Variants in MYLK observed in about 807,000 individuals in gnomAD.
The protein encoded by MYLK is myosin light chain kinase.
MYLK carries 106 observed loss-of-function variants against 203.4 expected under a neutral mutation model. That is an observed-to-expected ratio of 0.52 (90% CI 0.45 to 0.61). The LOEUF is 0.61. Among genes scored for constraint, MYLK ranks in the 20% least tolerant of loss-of-function variants. The pLI is 0.00. For synonymous variants in MYLK, 867 were observed against 959.5 expected (o/e 0.90, Z 1.78); for missense variants, 2,072 against 2,442.3 (o/e 0.85, Z 3.20).
intron 3 of MYLK, among the ~76,000 whole-genome samples, chr3:123,807,368 G>T (rs911561575): frequency 6.6e-6 from 1 of 151,936 alleles, no homozygotes; most frequent in Non-Finnish European, 1.5e-5. Context: ...GGCAGAGGTT[G>T]CAGTGGGCTG....
chr3:123,620,475 C>A (rs2057794399), intron 31 of MYLK, 139 bp from the exon 32 acceptor site: 1 of 1,572,864 alleles, frequency 6.4e-7, no homozygotes, highest in Admixed American at 1.7e-5. Flanking sequence ...AGCCGAGGTT[C>A]TGCCAGAGGA....
In MYLK at chr3:123,657,215, T is replaced by C. The variant is rs2059415294; in HGVS notation, c.4199A>G (p.Tyr1400Cys). 1 of 1,614,098 alleles carries C rather than the reference T, an allele frequency of 6.2e-7. No individual in the cohort carries two copies. Among genetic ancestry groups the C allele is most frequent in the African/African-American group, 1.3e-5 (1 of 74,924 alleles). ...NVQDLLPDHEYKFRVRAINVY... is the reference protein window; with the variant it reads ...NVQDLLPDHECKFRVRAINVY... ...GTTGATTGCACGTACACGGAACTTA[T>C]ATTCGTGGTCAGGCAGCAGGTCCTG... Residue 1400 changes from tyrosine to cysteine, a missense_variant, in exon 24 of 34, where the codon TAT becomes TGT. Transcript: ENST00000360304.
At chr3:123,689,339 AGTCCCAC>A (rs1358399802) in intron 19 of MYLK, among the ~76,000 whole-genome samples, 2 of 152,128 alleles carry the variant, frequency 1.3e-5, no homozygotes, top group Non-Finnish European at 2.9e-5. Context: ...GGGGTTACTG[AGTCCCAC>A]GTGCAGAAGG....
chr3:123,760,959 C>A (rs1345869262), intron 4 of MYLK, among the ~76,000 whole-genome samples: 1 of 152,208 alleles, frequency 6.6e-6, no homozygotes, highest in Non-Finnish European at 1.5e-5. Context: ...GAGACAGAGA[C>A]CATCCCCTGG....
chr3:123,703,608 G>A (rs539224244), intron 16 of MYLK, among the ~76,000 whole-genome samples: 3 of 152,324 alleles, frequency 2.0e-5, no homozygotes, highest in East Asian at 1.9e-4. Flanking sequence ...CTGGGAGAAC[G>A]AAGAGGTCCT....
At chr3:123,736,378 C>A (rs1181815693) in intron 8 of MYLK, among the ~76,000 whole-genome samples, 2 of 152,028 alleles carry the variant, frequency 1.3e-5, no homozygotes, top group African/African-American at 4.8e-5. Flanking sequence ...ACAGAAAAAT[C>A]AGAAGAAAAG....
intron 22 of MYLK, among the ~76,000 whole-genome samples, chr3:123,664,843 T>A (rs541002213): frequency 6.6e-6 from 1 of 152,264 alleles, no homozygotes; most frequent in South Asian, 2.1e-4. Flanking sequence ...AAGAGTATGC[T>A]AAGTCAAAAA....
chr3:123,661,810 T>G (rs2059571841), intron 23 of MYLK, among the ~76,000 whole-genome samples: 1 of 152,106 alleles, frequency 6.6e-6, no homozygotes, highest in South Asian at 2.1e-4. Flanking sequence ...GTGAATTCCC[T>G]CTCCCGGGTC....
intron 27 of MYLK, among the ~76,000 whole-genome samples, chr3:123,643,427 C>T (rs6784480): frequency 0.012 from 1,789 of 152,286 alleles, 22 homozygotes; most frequent in African/African-American, 0.04. Context: ...TGCTGCATTT[C>T]TGGAGGAAAC....
At chr3:123,863,048 C>T (rs1031077599) in intron 2 of MYLK, among the ~76,000 whole-genome samples, 1 of 152,164 alleles carries the variant, frequency 6.6e-6, no homozygotes, top group Non-Finnish European at 1.5e-5. Flanking sequence ...GGTTCAAATC[C>T]TGGATCTGTC....
At chr3:123,846,259 T>C (rs1418382179) in intron 2 of MYLK, among the ~76,000 whole-genome samples, 1 of 152,214 alleles carries the variant, frequency 6.6e-6, no homozygotes, top group African/African-American at 2.4e-5. Context: ...TTCCCAGACA[T>C]GTTTGTGTGA....
chr3:123,854,503 T>C (rs2031170724), intron 2 of MYLK, among the ~76,000 whole-genome samples: 1 of 152,190 alleles, frequency 6.6e-6, no homozygotes, highest in Non-Finnish European at 1.5e-5. Flanking sequence ...TCAATTTCTA[T>C]GTTTACCATT....
At chr3:123,818,134 T>C (rs1273843355) in intron 3 of MYLK, among the ~76,000 whole-genome samples, 1 of 152,130 alleles carries the variant, frequency 6.6e-6, no homozygotes, top group Non-Finnish European at 1.5e-5. Flanking sequence ...CACTGTATTA[T>C]TCAAGAAATG....
chr3:123,840,700 A>T (rs1451060365), intron 2 of MYLK, among the ~76,000 whole-genome samples: 4 of 151,984 alleles, frequency 2.6e-5, no homozygotes, highest in Admixed American at 1.3e-4. Context: ...TTTTGAAAAA[A>T]ATATATTATT....
At position 123,722,144 on chromosome 3, in the gene MYLK, G is replaced by C; in HGVS notation, c.1788C>G (p.Ala596=). ...ENALGQVSCS[A]WVTVHEKKSS... The stretch of plus-strand genomic sequence containing the variant: ...GGCTCCTACCATGGACGGTGACCCA[G>C]GCGCTGCAGGACACCTGCCCCAAGG... The change falls in exon 13 of 34, where the codon GCC becomes GCG. Residue 596 remains alanine, a synonymous_variant. Transcript: ENST00000360304. 2 of 1,566,268 alleles carry C rather than the reference G, an allele frequency of 1.3e-6. No homozygotes were observed. Among genetic ancestry groups the C allele is most frequent in the South Asian group, 2.4e-5 (2 of 84,910 alleles).
chr3:123,659,506 T>C (rs1371525803), intron 23 of MYLK, among the ~76,000 whole-genome samples: 4 of 152,120 alleles, frequency 2.6e-5, no homozygotes, highest in African/African-American at 9.7e-5. Context: ...ACTCCAACAT[T>C]TTTAAGGAAT....
intron 20 of MYLK, among the ~76,000 whole-genome samples, chr3:123,674,826 C>G (rs2060022660): frequency 6.6e-6 from 1 of 152,264 alleles, no homozygotes; most frequent in African/African-American, 2.4e-5. Context: ...TCATGCACCA[C>G]TAATGCCCCA....
intron 18 of MYLK, among the ~76,000 whole-genome samples, chr3:123,694,574 A>G (rs895208103): frequency 6.6e-6 from 1 of 152,202 alleles, no homozygotes; most frequent in Non-Finnish European, 1.5e-5. Context: ...AGGCTTTGGG[A>G]ACAGATATCC....
At chr3:123,715,192 A>C (rs995507524) in intron 13 of MYLK, among the ~76,000 whole-genome samples, 2 of 152,162 alleles carry the variant, frequency 1.3e-5, no homozygotes, top group African/African-American at 2.4e-5. Context: ...CTAGTCATGA[A>C]ACTAAACATG....
Sources: allele counts gnomAD v4.1 joint callset (sites outside exome capture counted in the v4.1 genomes callset), GRCh38; gene constraint gnomAD v4.1.1; transcripts MANE v1.5; gene names NCBI Gene and HGNC (gene_info 2026-07-23, HGNC 2026-07-21).